KLHL32: variants seen among roughly 807,000 people sequenced by gnomAD.
The protein encoded by KLHL32 is kelch like family member 32.
In KLHL32, 35 loss-of-function variants were observed where a neutral mutation model predicts 64.8. The observed-to-expected ratio is 0.54, with a 90% CI of 0.41 to 0.72. KLHL32 has a LOEUF of 0.72. Among genes scored for constraint, KLHL32 ranks in the 30% least tolerant of loss-of-function variants. KLHL32 has a pLI of 0.00. For synonymous variants in KLHL32, 259 were observed against 281.0 expected (o/e 0.92, Z 0.78); for missense variants, 589 against 768.5 (o/e 0.77, Z 2.76).
intron 3 of KLHL32, among the ~76,000 whole-genome samples, chr6:97,038,202 C>G (rs58010473): frequency 0.029 from 4,416 of 151,984 alleles, 192 homozygotes; most frequent in African/African-American, 0.098. Flanking sequence ...AGCTTCTACA[C>G]AGCAAAGGAA....
intron 3 of KLHL32, among the ~76,000 whole-genome samples, chr6:97,028,800 A>G (rs556850208): frequency 6.6e-6 from 1 of 152,230 alleles, no homozygotes; most frequent in Non-Finnish European, 1.5e-5. Context: ...TCAATAAGAA[A>G]GCGTAAAAGT....
chr6:97,089,778 TAA>T (rs35560928), intron 6 of KLHL32, among the ~76,000 whole-genome samples: 184 of 136,218 alleles, frequency 1.4e-3, no homozygotes, highest in Middle Eastern at 3.7e-3. Context: ...AAACTCCAGC[TAA>T]AAAAAAAAAA....
intron 3 of KLHL32, among the ~76,000 whole-genome samples, chr6:97,025,712 G>A (rs148499252): frequency 5.3e-4 from 81 of 152,282 alleles, no homozygotes; most frequent in African/African-American, 1.9e-3. Context: ...AAGAATGGTG[G>A]TGAAGGCATG....
chr6:96,984,040 C>T (rs888024053), intron 3 of KLHL32, among the ~76,000 whole-genome samples: 2 of 152,178 alleles, frequency 1.3e-5, no homozygotes, highest in Admixed American at 1.3e-4. Context: ...TCCCTCTACA[C>T]ACTGCTTTGA....
rs190751217 is a variant in KLHL32 at position 97,099,006 on chromosome 6, T to C, written c.627+13665T>C. ...GAATTATTTTATCTTATAGGTTCGC[T>C]ATGTTTTTAAAGTAATGGGACTCAA... On this transcript the variant is annotated intron_variant, in intron 6 of 10. Coordinates refer to ENST00000369261, the MANE Select transcript of KLHL32 (RefSeq NM_052904.4). Among the ~76,000 whole-genome samples the C allele has an allele frequency of 7.2e-5, 11 of 152,380 alleles. No homozygotes were observed. In the East Asian group the frequency reaches 2.1e-3, roughly 29 times the overall value.
intron 1 of KLHL32, among the ~76,000 whole-genome samples, chr6:96,936,522 T>A (rs987175328): frequency 3.9e-5 from 6 of 152,152 alleles, no homozygotes; most frequent in Admixed American, 3.9e-4. Context: ...ATCCAAACAG[T>A]CAGGAAATTC....
intron 6 of KLHL32, among the ~76,000 whole-genome samples, chr6:97,088,244 G>T (rs373819784): frequency 1.6e-3 from 245 of 152,158 alleles, no homozygotes; most frequent in African/African-American, 5.6e-3. Context: ...CAACAATTTG[G>T]TTTTATGTTT....
At chr6:97,030,685 T>A (rs1234700095) in intron 3 of KLHL32, among the ~76,000 whole-genome samples, 1 of 152,244 alleles carries the variant, frequency 6.6e-6, no homozygotes, top group Non-Finnish European at 1.5e-5. Context: ...CATTGACATA[T>A]GTTCTTTTTT....
chr6:97,007,897 C>T (rs1779866990), intron 3 of KLHL32, among the ~76,000 whole-genome samples: 1 of 152,168 alleles, frequency 6.6e-6, no homozygotes, highest in African/African-American at 2.4e-5. Flanking sequence ...TCCACAACAC[C>T]CCGATGAGGG....
chr6:97,067,656 A>G (rs1453238893), intron 5 of KLHL32, among the ~76,000 whole-genome samples: 2 of 152,130 alleles, frequency 1.3e-5, no homozygotes, highest in African/African-American at 4.8e-5. Context: ...TCACCCCTTA[A>G]CACTGGTGGG....
At chr6:97,014,250 G>A (rs1341210570) in intron 3 of KLHL32, among the ~76,000 whole-genome samples, 3 of 150,744 alleles carry the variant, frequency 2.0e-5, no homozygotes, top group African/African-American at 2.4e-5. Context: ...AGCCGAAATC[G>A]CGCCACTGCA....
intron 7 of KLHL32, among the ~76,000 whole-genome samples, chr6:97,121,130 T>C (rs962700663): frequency 2.0e-5 from 3 of 152,186 alleles, no homozygotes; most frequent in Non-Finnish European, 4.4e-5. Flanking sequence ...TACCCTCACA[T>C]CACTGCCCAG....
chr6:97,091,216 AAAAAC>A (rs962718080), intron 6 of KLHL32, among the ~76,000 whole-genome samples: 6 of 152,230 alleles, frequency 3.9e-5, no homozygotes, highest in African/African-American at 1.2e-4. Flanking sequence ...CTGGAAGAAA[AAAAAC>A]AAAACAAAAC....
intron 1 of KLHL32, among the ~76,000 whole-genome samples, chr6:96,936,695 A>C (rs1200250476): frequency 6.6e-6 from 1 of 152,146 alleles, no homozygotes; most frequent in Non-Finnish European, 1.5e-5. Context: ...CAGCAGCCAA[A>C]AATTTTGTTT....
At chr6:97,001,993 TAACTC>T (rs1361352916) in intron 3 of KLHL32, among the ~76,000 whole-genome samples, 1 of 152,176 alleles carries the variant, frequency 6.6e-6, no homozygotes, top group African/African-American at 2.4e-5. Flanking sequence ...GATAGATAGA[TAACTC>T]TACTGTAAAG....
intron 5 of KLHL32, among the ~76,000 whole-genome samples, chr6:97,069,121 C>T (rs113888971): frequency 5.7e-3 from 861 of 152,230 alleles, no homozygotes; most frequent in Non-Finnish European, 8.7e-3. Context: ...TTACAGCGTG[C>T]ACATGTGGAT....
chr6:96,949,399 A>G (rs1402614306), intron 1 of KLHL32, among the ~76,000 whole-genome samples: 1 of 151,978 alleles, frequency 6.6e-6, no homozygotes, highest in Non-Finnish European at 1.5e-5. Flanking sequence ...ATCATTGTTC[A>G]TTTACCCAGA....
intron 3 of KLHL32, among the ~76,000 whole-genome samples, chr6:97,032,175 T>A (rs1390162069): frequency 6.6e-6 from 1 of 152,144 alleles, no homozygotes; most frequent in Non-Finnish European, 1.5e-5. Context: ...AAAATAAAGT[T>A]TTTAAAAGGG....
Position 97,139,161 on chromosome 6 carries a change from A to G in KLHL32, c.1742A>G (p.Tyr581Cys). Residue 581 changes from tyrosine (Y) to cysteine (C), a missense_variant, in exon 11 of 11, where the codon TAT (tyrosine) becomes TGT (cysteine). Around this residue, in one of 3 missense-constraint regions of KLHL32, gnomAD observed 172 missense variants for 192.0 expected, o/e 0.90. Transcript: ENST00000369261. Reference sequence around the variant, plus strand: ...AGAGAAGGCAAAGAAGAAGTATTCTATGGGCCTACACTCCCTTTTGCTTCC... The same window carrying G: ...AGAGAAGGCAAAGAAGAAGTATTCTGTGGGCCTACACTCCCTTTTGCTTCC... ...VSREGKEEVF[Y>C]GPTLPFASNG... 4.3e-6 allele frequency: 7 copies of G among 1,613,994 alleles called. No homozygotes were observed. The highest frequency in any genetic ancestry group is 2.2e-5 in the South Asian group (2 of 91,066).
Sources: gnomAD v4.1 joint callset for allele counts (sites outside exome capture counted in the v4.1 genomes callset) on GRCh38, gnomAD v4.1.1 for gene constraint, gnomAD v4.1.1 regional missense constraint, MANE v1.5 for transcripts, NCBI Gene and HGNC (gene_info 2026-07-23, HGNC 2026-07-21) for gene names.